The following NR3C2 variants were observed in gnomAD, a reference collection of about 807,000 sequenced individuals.
NR3C2 encodes nuclear receptor subfamily 3 group C member 2, also known as mineralocorticoid receptor.
NR3C2 carries 15 observed loss-of-function variants against 86.4 expected under a neutral mutation model. The ratio of observed to expected loss-of-function variants is 0.17; its 90% confidence interval spans 0.12 to 0.27. The LOEUF (loss-of-function observed/expected upper bound fraction) is 0.27, where lower values mean the gene tolerates loss of function less well. Among genes scored for constraint, NR3C2 ranks in the 10% least tolerant of loss-of-function variants. The pLI is 1.00. For missense variants in NR3C2, 960 were observed against 1,195.6 expected (o/e 0.80, Z 2.91); for synonymous variants, 458 against 450.5 (o/e 1.02, Z -0.21).
intron 2 of NR3C2, among the ~76,000 whole-genome samples, chr4:148,306,679 C>T (rs1203649946): frequency 1.3e-5 from 2 of 152,040 alleles, no homozygotes; most frequent in African/African-American, 4.8e-5. Flanking sequence ...TGTTTAAGTC[C>T]CCAAAATAGG....
At chr4:148,398,092 T>A (rs1747952634) in intron 2 of NR3C2, among the ~76,000 whole-genome samples, 1 of 152,196 alleles carries the variant, frequency 6.6e-6, no homozygotes, top group Non-Finnish European at 1.5e-5. Flanking sequence ...TTCCCTTTCC[T>A]TTCTCTTATA....
intron 3 of NR3C2, among the ~76,000 whole-genome samples, chr4:148,204,611 T>C (rs1296011204): frequency 1.3e-5 from 2 of 152,196 alleles, no homozygotes; most frequent in African/African-American, 2.4e-5. Flanking sequence ...ACTTACTCTG[T>C]CTACGGTCCA....
intron 3 of NR3C2, among the ~76,000 whole-genome samples, chr4:148,233,684 G>A (rs1469451689): frequency 6.6e-6 from 1 of 152,116 alleles, no homozygotes; most frequent in Non-Finnish European, 1.5e-5. Flanking sequence ...AACGTCTGAG[G>A]AGAGGAAGAG....
intron 3 of NR3C2, among the ~76,000 whole-genome samples, chr4:148,237,039 A>G (rs1738781055): frequency 6.6e-6 from 1 of 152,212 alleles, no homozygotes; most frequent in Non-Finnish European, 1.5e-5. Flanking sequence ...ATAATATTTT[A>G]CCTTTGTACC....
rs1305333600 is a variant in NR3C2 at position 148,436,684 on chromosome 4, A to T, written c.177T>A (p.Ser59Arg). ...SCVSGAIPNN[S>R]TQGSSKEKQE... ...GTTTTTCTTTGCTGCTTCCTTGAGT[A>T]CTGTTGTTTGGAATAGCACCGGAAA... The change falls in exon 2 of 9, where the codon AGT (serine) becomes AGA (arginine). Residue 59 changes from serine to arginine, a missense_variant. Around this residue, in one of 4 missense-constraint regions of NR3C2, gnomAD observed 680 missense variants for 719.0 expected, o/e 0.95. Coordinates refer to ENST00000358102, the MANE Select transcript of NR3C2 (RefSeq NM_000901.5). 1.2e-6 allele frequency: 2 copies of T among 1,614,126 alleles called. No individual in the cohort carries two copies.
intron 3 of NR3C2, among the ~76,000 whole-genome samples, chr4:148,210,685 A>G (rs1737239802): frequency 6.6e-6 from 1 of 152,218 alleles, no homozygotes; most frequent in African/African-American, 2.4e-5. Flanking sequence ...CCTGTCCTAT[A>G]TTGCTGGTTT....
At chr4:148,154,999 G>T in intron 4 of NR3C2, 98 bp from the exon 5 acceptor site, 2 of 960,584 alleles carry the variant, frequency 2.1e-6, no homozygotes, top group Non-Finnish European at 3.2e-6. Context: ...AATAGATCTT[G>T]TTATGTCAAT....
chr4:148,356,406 A>T (rs1745550380), intron 2 of NR3C2, among the ~76,000 whole-genome samples: 1 of 152,208 alleles, frequency 6.6e-6, no homozygotes, highest in African/African-American at 2.4e-5. Context: ...GCAACTTCTC[A>T]TTTGAAGAAG....
intron 3 of NR3C2, among the ~76,000 whole-genome samples, chr4:148,222,512 A>G (rs894250706): frequency 6.6e-6 from 1 of 152,256 alleles, no homozygotes; most frequent in Non-Finnish European, 1.5e-5. Context: ...AAATGGCAAT[A>G]TAATTCCTGA....
intron 2 of NR3C2, among the ~76,000 whole-genome samples, chr4:148,336,529 G>A (rs985774247): frequency 6.6e-5 from 10 of 152,094 alleles, no homozygotes; most frequent in Admixed American, 5.9e-4. Context: ...CTTTAGTGGC[G>A]AGAGCATAAT....
At chr4:148,132,787 C>T (rs1733096619) in intron 6 of NR3C2, among the ~76,000 whole-genome samples, 1 of 152,322 alleles carries the variant, frequency 6.6e-6, no homozygotes. Context: ...GGTCTCCTAA[C>T]TGCTGTATTA....
intron 3 of NR3C2, among the ~76,000 whole-genome samples, chr4:148,214,982 C>G (rs1737456686): frequency 6.7e-6 from 1 of 148,626 alleles, no homozygotes; most frequent in Non-Finnish European, 1.5e-5. Context: ...GGGCTGCGTG[C>G]AGCCTTCAAC....
At chr4:148,196,619 C>G (rs3846301) in intron 3 of NR3C2, among the ~76,000 whole-genome samples, 2 of 151,896 alleles carry the variant, frequency 1.3e-5, no homozygotes, top group Non-Finnish European at 2.9e-5. Flanking sequence ...ACAGTAAATA[C>G]TCAATAAAAA....
At chr4:148,444,402 A>G (rs1019148538), upstream of NR3C2, 4 of 985,268 alleles carry the variant, frequency 4.1e-6, no homozygotes, top group African/African-American at 7.0e-5. Flanking sequence ...CCCGCATCCC[A>G]CCTCCGCTCG....
At chr4:148,418,909 A>T (rs1252468172) in intron 2 of NR3C2, among the ~76,000 whole-genome samples, 1 of 152,182 alleles carries the variant, frequency 6.6e-6, no homozygotes, top group Non-Finnish European at 1.5e-5. Context: ...ACTCTTCTAC[A>T]TGTTCATTTC....
At chr4:148,437,083 T>C (rs1255481073) in intron 1 of NR3C2, among the ~76,000 whole-genome samples, 6 of 152,220 alleles carry the variant, frequency 3.9e-5, no homozygotes, top group Admixed American at 3.3e-4. Context: ...CATATAAAAC[T>C]GTTTTGGATC....
chr4:148,279,284 C>T (rs928309565), intron 2 of NR3C2, among the ~76,000 whole-genome samples: 3 of 152,050 alleles, frequency 2.0e-5, no homozygotes, highest in Non-Finnish European at 4.4e-5. Context: ...AAATTTCACC[C>T]TAACATGTGG....
intron 3 of NR3C2, among the ~76,000 whole-genome samples, chr4:148,255,663 T>C (rs1739795906): frequency 6.6e-6 from 1 of 152,210 alleles, no homozygotes; most frequent in Non-Finnish European, 1.5e-5. Context: ...AGCTGTGTCT[T>C]CCAGACACTG....
chr4:148,310,274 C>T (rs887919950), intron 2 of NR3C2, among the ~76,000 whole-genome samples: 6 of 152,168 alleles, frequency 3.9e-5, no homozygotes, highest in Non-Finnish European at 7.3e-5. Flanking sequence ...CAAAATCCCA[C>T]CTGTGCTTAT....
Sources: allele counts gnomAD v4.1 joint callset (sites outside exome capture counted in the v4.1 genomes callset), GRCh38; gene constraint gnomAD v4.1.1; regional missense constraint gnomAD v4.1.1; transcripts MANE v1.5; gene names NCBI Gene and HGNC (gene_info 2026-07-23, HGNC 2026-07-21).